Variants in CDH13 observed in about 807,000 individuals in gnomAD.
The protein encoded by CDH13 is cadherin-13.
Under a neutral mutation model 63.8 loss-of-function variants are expected in CDH13, and 24 were observed. That is an observed-to-expected ratio of 0.38 (90% CI 0.27 to 0.53). The LOEUF is 0.53. CDH13 is among the 20% of genes least tolerant of loss of function. CDH13 has a pLI of 0.85. For missense variants in CDH13, 1,049 were observed against 903.1 expected (o/e 1.16, Z -2.07); for synonymous variants, 503 against 355.3 (o/e 1.42, Z -4.67).
intron 1 of CDH13, among the ~76,000 whole-genome samples, chr16:82,717,937 AAATAAGAT>A (rs2151017261): frequency 6.6e-6 from 1 of 152,342 alleles, no homozygotes; most frequent in African/African-American, 2.4e-5. Context: ...TCCTAAAAGA[AAATAAGAT>A]ACTACTGCGA....
At chr16:83,663,348 T>C (rs1442937606) in intron 8 of CDH13, among the ~76,000 whole-genome samples, 1 of 152,220 alleles carries the variant, frequency 6.6e-6, no homozygotes, top group Non-Finnish European at 1.5e-5. Flanking sequence ...TCAAAACCGC[T>C]AAGATTTTCA....
chr16:83,694,177 G>A (rs983810662), intron 10 of CDH13, among the ~76,000 whole-genome samples: 9 of 152,208 alleles, frequency 5.9e-5, no homozygotes, highest in Admixed American at 5.9e-4. Context: ...CAAGGGGAGG[G>A]AAGGAGGGAT....
intron 9 of CDH13, among the ~76,000 whole-genome samples, chr16:83,675,097 C>G (rs1256932925): frequency 6.6e-6 from 1 of 152,196 alleles, no homozygotes; most frequent in South Asian, 2.1e-4. Flanking sequence ...ATTGAATTGC[C>G]TCTCTGTAGC....
chr16:82,632,697 G>A lies in CDH13; in HGVS notation c.45+5560G>A, dbSNP rs894006041. 4.8e-5 allele frequency among the ~76,000 whole-genome samples: 7 copies of A among 146,078 alleles called. No individual in the cohort carries two copies. In the East Asian group the frequency reaches 5.8e-4, roughly 12 times the overall value. On this transcript the variant is annotated intron_variant, in intron 1 of 13. Coordinates refer to ENST00000567109, the MANE Select transcript of CDH13 (RefSeq NM_001257.5). ...GTTTCGTGGAAGACAATTTTTCCAC[G>A]GACTAGAATTGGGGGGATGGTTTTG...
At chr16:83,269,811 G>T (rs545795659) in intron 5 of CDH13, among the ~76,000 whole-genome samples, 2 of 152,234 alleles carry the variant, frequency 1.3e-5, no homozygotes, top group Non-Finnish European at 2.9e-5. Flanking sequence ...GAGGAGGATT[G>T]GTCCACTGGA....
intron 4 of CDH13, among the ~76,000 whole-genome samples, chr16:83,165,339 G>T (rs541656095): frequency 5.3e-5 from 8 of 152,030 alleles, no homozygotes; most frequent in African/African-American, 1.4e-4. Flanking sequence ...CACAGTAGAT[G>T]ATAGATGATG....
intron 6 of CDH13, among the ~76,000 whole-genome samples, chr16:83,437,757 C>G (rs1431711206): frequency 6.6e-6 from 1 of 152,088 alleles, no homozygotes; most frequent in Non-Finnish European, 1.5e-5. Context: ...CTTGACTGCC[C>G]TTTTCCCATG....
intron 7 of CDH13, among the ~76,000 whole-genome samples, chr16:83,553,306 A>T (rs1345967780): frequency 1.3e-5 from 2 of 152,202 alleles, no homozygotes; most frequent in East Asian, 3.9e-4. Context: ...ATTCAAATAA[A>T]GGAATCTAGT....
chr16:82,656,933 T>G (rs1446955712), intron 1 of CDH13, among the ~76,000 whole-genome samples: 1 of 151,796 alleles, frequency 6.6e-6, no homozygotes, highest in African/African-American at 2.4e-5. Flanking sequence ...TTTTTTTTTT[T>G]TTTAGCATTG....
Position 83,323,179 on chromosome 16 carries a change from TTTCTTTCTTTCTTTC to T in CDH13, c.637-21680_637-21666del, listed in dbSNP as rs1567591188. Among the ~76,000 whole-genome samples the T allele has an allele frequency of 9.1e-3, 852 of 93,508 alleles. 18 individuals are homozygous for T. Among genetic ancestry groups the T allele is most frequent in the South Asian group, 0.018 (49 of 2,678 alleles). The allele number at this position is 93,508 out of a possible 152,430, so 61.3% of individuals were successfully genotyped here. A position where few individuals can be genotyped will look rare whatever the true frequency, so the allele number is the denominator to read the frequency against. ...TTTCTTTCTTTCTCTTTCTTTTTTC[TTTCTTTCTTTCTTTC>T]TTTCTTTCTTTCTTTCTTTCTTTCT... On this transcript the variant is annotated intron_variant, in intron 5 of 13. Transcript: ENST00000567109.
intron 2 of CDH13, among the ~76,000 whole-genome samples, chr16:83,015,907 G>A (rs562486358): frequency 6.6e-6 from 1 of 151,530 alleles, no homozygotes; most frequent in Admixed American, 6.6e-5. Context: ...CATTTGGCTT[G>A]TGCACTTCCC....
At chr16:82,902,009 G>A (rs1313377000) in intron 2 of CDH13, among the ~76,000 whole-genome samples, 2 of 152,188 alleles carry the variant, frequency 1.3e-5, no homozygotes, top group African/African-American at 2.4e-5. Flanking sequence ...CTTGTCCAAG[G>A]TCACATAGCT....
chr16:83,389,072 A>G (rs1252113351), intron 6 of CDH13, among the ~76,000 whole-genome samples: 2 of 152,230 alleles, frequency 1.3e-5, no homozygotes, highest in African/African-American at 4.8e-5. Context: ...CATGTGCCCC[A>G]GTGATTCTAA....
intron 2 of CDH13, among the ~76,000 whole-genome samples, chr16:83,027,292 A>T (rs1345950103): frequency 6.6e-6 from 1 of 152,178 alleles, no homozygotes; most frequent in Admixed American, 6.5e-5. Flanking sequence ...TTCTGGTGCA[A>T]AAAACAAATA....
At chr16:82,673,736 G>A (rs1254621558) in intron 1 of CDH13, among the ~76,000 whole-genome samples, 2 of 152,202 alleles carry the variant, frequency 1.3e-5, no homozygotes, top group African/African-American at 4.8e-5. Context: ...GAGGCAGAGT[G>A]TTCACATTAG....
chr16:82,901,194 C>T (rs1291023388), intron 2 of CDH13, among the ~76,000 whole-genome samples: 2 of 151,886 alleles, frequency 1.3e-5, no homozygotes, highest in African/African-American at 4.8e-5. Flanking sequence ...CTTCTGCTGA[C>T]ACTGTCTTCT....
chr16:83,701,228 A>G (rs549949414), intron 10 of CDH13, among the ~76,000 whole-genome samples: 1 of 152,328 alleles, frequency 6.6e-6, no homozygotes, highest in South Asian at 2.1e-4. Context: ...CAGTCCCTGA[A>G]AAGATGAGAG....
intron 4 of CDH13, among the ~76,000 whole-genome samples, chr16:83,209,068 C>G (rs2039261712): frequency 6.6e-6 from 1 of 152,120 alleles, no homozygotes; most frequent in Admixed American, 6.5e-5. Context: ...TTCAAGATGC[C>G]AAAGAGGAGA....
intron 5 of CDH13, among the ~76,000 whole-genome samples, chr16:83,247,009 C>G (rs1905057173): frequency 6.6e-6 from 1 of 152,146 alleles, no homozygotes; most frequent in Non-Finnish European, 1.5e-5. Context: ...CTGGCATGAA[C>G]CAGAAAGGAT....
Sources: allele counts gnomAD v4.1 joint callset (sites outside exome capture counted in the v4.1 genomes callset), GRCh38; gene constraint gnomAD v4.1.1; transcripts MANE v1.5; gene names NCBI Gene and HGNC (gene_info 2026-07-23, HGNC 2026-07-21).